The following SLAMF1 variants were observed in gnomAD, a reference collection of about 807,000 sequenced individuals.
SLAMF1 encodes the protein signaling lymphocytic activation molecule family member 1.
A neutral mutation model predicts 35.1 loss-of-function variants in SLAMF1; 18 were observed. The observed-to-expected ratio is 0.51, with a 90% CI of 0.35 to 0.76. SLAMF1 has a LOEUF of 0.76. Among genes scored for constraint, SLAMF1 ranks in the 30% least tolerant of loss-of-function variants. The pLI is 0.01. For missense variants in SLAMF1, 392 were observed against 413.0 expected (o/e 0.95, Z 0.44); for synonymous variants, 168 against 157.2 (o/e 1.07, Z -0.51).
chr1:160,638,921 T>C (rs984940770), intron 1 of SLAMF1, among the ~76,000 whole-genome samples: 5 of 152,216 alleles, frequency 3.3e-5, no homozygotes, highest in African/African-American at 1.2e-4. Context: ...TCTGGACTTC[T>C]AAATACTGGA....
intron 3 of SLAMF1, among the ~76,000 whole-genome samples, chr1:160,632,642 G>T (rs747711440): frequency 5.3e-4 from 80 of 152,052 alleles, no homozygotes; most frequent in Non-Finnish European, 9.3e-4. Context: ...CCCCTTTTTT[G>T]GGTTAGGCCA....
intron 5 of SLAMF1, among the ~76,000 whole-genome samples, chr1:160,617,460 T>C (rs963501461): frequency 2.6e-5 from 4 of 152,190 alleles, no homozygotes; most frequent in African/African-American, 9.7e-5. Context: ...TAAACTCTAG[T>C]ATATTCATAC....
chr1:160,628,416 C>T (rs921166193), intron 3 of SLAMF1, among the ~76,000 whole-genome samples: 3 of 152,200 alleles, frequency 2.0e-5, no homozygotes, highest in Non-Finnish European at 4.4e-5. Context: ...GGGGTCTCCA[C>T]CTGCCTTCTA....
intron 3 of SLAMF1, among the ~76,000 whole-genome samples, chr1:160,624,396 CA>C (rs1213887983): frequency 6.6e-6 from 1 of 152,152 alleles, no homozygotes. Flanking sequence ...TATACTTTCA[CA>C]TTCTTAATTT....
At chr1:160,631,079 G>A (rs958725598) in intron 3 of SLAMF1, among the ~76,000 whole-genome samples, 1 of 152,166 alleles carries the variant, frequency 6.6e-6, no homozygotes, top group African/African-American at 2.4e-5. Context: ...CAAGGATCAT[G>A]TCTTTTTTAT....
intron 5 of SLAMF1, among the ~76,000 whole-genome samples, chr1:160,615,268 A>G (rs1659230820): frequency 6.6e-6 from 1 of 152,090 alleles, no homozygotes; most frequent in African/African-American, 2.4e-5. Flanking sequence ...TGTGTTTAAA[A>G]TATATATGAA....
At chr1:160,622,299 T>C (rs1442251678) in intron 4 of SLAMF1, among the ~76,000 whole-genome samples, 3 of 152,238 alleles carry the variant, frequency 2.0e-5, no homozygotes, top group African/African-American at 7.2e-5. Flanking sequence ...ATCTACATTG[T>C]AGCCATCATT....
chr1:160,635,206 TGGA>T (rs1660374898), intron 2 of SLAMF1, among the ~76,000 whole-genome samples: 1 of 152,254 alleles, frequency 6.6e-6, no homozygotes, highest in African/African-American at 2.4e-5. Flanking sequence ...CTCCTATCAG[TGGA>T]GTTTGCTGTC....
intron 5 of SLAMF1, among the ~76,000 whole-genome samples, chr1:160,617,708 C>T (rs1659382086): frequency 2.0e-5 from 3 of 152,134 alleles, no homozygotes; most frequent in Admixed American, 6.5e-5. Context: ...GGAAGTGGCA[C>T]AGGAGGCCTT....
chr1:160,625,265 C>T (rs1311094631), intron 3 of SLAMF1, among the ~76,000 whole-genome samples: 1 of 152,098 alleles, frequency 6.6e-6, no homozygotes, highest in East Asian at 1.9e-4. Context: ...AGAGTAACAC[C>T]AGATGTTAAC....
chr1:160,632,524 C>T (rs140661692), intron 3 of SLAMF1, among the ~76,000 whole-genome samples: 17 of 152,274 alleles, frequency 1.1e-4, no homozygotes, highest in African/African-American at 2.9e-4. Flanking sequence ...TTTCTTAGAA[C>T]GTCCTGAGCT....
chr1:160,612,438 C>T (rs1198881314), intron 6 of SLAMF1, 50 bp downstream of exon 6: 10 of 1,257,602 alleles, frequency 8.0e-6, no homozygotes, highest in Middle Eastern at 1.9e-4. Context: ...TCATTTTCCC[C>T]TCCTTCATGT....
intron 4 of SLAMF1, among the ~76,000 whole-genome samples, chr1:160,623,846 T>C (rs977043443): frequency 6.6e-6 from 1 of 152,220 alleles, no homozygotes; most frequent in Non-Finnish European, 1.5e-5. Flanking sequence ...ACTGAAATTA[T>C]CTGAATAATG....
intron 3 of SLAMF1, among the ~76,000 whole-genome samples, chr1:160,632,566 C>A (rs1302285286): frequency 1.3e-5 from 2 of 152,104 alleles, no homozygotes; most frequent in African/African-American, 4.8e-5. Context: ...TATGGCCCAC[C>A]AACACTTTGG....
At position 160,610,996 on chromosome 1, in the gene SLAMF1, C is replaced by T. The variant is rs545403295; in HGVS notation, c.958-198G>A. Among the ~76,000 whole-genome samples, 3 of 152,360 alleles carry T rather than the reference C, an allele frequency of 2.0e-5. No individual in the cohort carries two copies. In the South Asian group the frequency reaches 6.2e-4, roughly 32 times the overall value. On this transcript the variant is annotated intron_variant, in intron 6 of 6. Coordinates refer to ENST00000302035, the MANE Select transcript of SLAMF1 (RefSeq NM_003037.5). Reference sequence around the variant, plus strand: ...TCCACCTGCAACAAGGGCCACAGCTCCCTTCCAAGCATAAGCATGCTATTA... The same window carrying T: ...TCCACCTGCAACAAGGGCCACAGCTTCCTTCCAAGCATAAGCATGCTATTA...
intron 4 of SLAMF1, among the ~76,000 whole-genome samples, chr1:160,620,070 T>C (rs755479748): frequency 8.5e-5 from 13 of 152,234 alleles, no homozygotes; most frequent in Non-Finnish European, 1.6e-4. Context: ...AATACCTGCC[T>C]CACGGGGCTG....
At chr1:160,619,977 G>A (rs562378704) in intron 4 of SLAMF1, 128 bp from the exon 5 acceptor site, 74 of 710,666 alleles carry the variant, frequency 1.0e-4, no homozygotes, top group Non-Finnish European at 1.9e-4. Context: ...AAAGCCCTGA[G>A]TCCCAGCCCC....
At chr1:160,615,385 T>A (rs1659240997) in intron 5 of SLAMF1, among the ~76,000 whole-genome samples, 1 of 152,110 alleles carries the variant, frequency 6.6e-6, no homozygotes, top group Non-Finnish European at 1.5e-5. Flanking sequence ...AAGTCAAAGT[T>A]GTATTTTATA....
chr1:160,633,412 G>T (rs112229681), intron 3 of SLAMF1, among the ~76,000 whole-genome samples: 2 of 152,304 alleles, frequency 1.3e-5, no homozygotes, highest in African/African-American at 4.8e-5. Flanking sequence ...CAGTCCATCT[G>T]GGAATACTCC....
Sources: allele counts gnomAD v4.1 joint callset (sites outside exome capture counted in the v4.1 genomes callset), GRCh38; gene constraint gnomAD v4.1.1; transcripts MANE v1.5; gene names NCBI Gene and HGNC (gene_info 2026-07-23, HGNC 2026-07-21).